Variants in PRKAG2 observed in about 807,000 individuals in gnomAD.
The protein encoded by PRKAG2 is protein kinase AMP-activated non-catalytic subunit gamma 2.
In PRKAG2, 26 loss-of-function variants were observed where a neutral mutation model predicts 69.6. The observed-to-expected ratio is 0.37, with a 90% CI of 0.27 to 0.52. The LOEUF (loss-of-function observed/expected upper bound fraction) is 0.52, where lower values mean the gene tolerates loss of function less well. PRKAG2 is among the 20% of genes least tolerant of loss of function. The pLI, the probability that PRKAG2 is intolerant of heterozygous loss-of-function variation, is 0.90. For missense variants in PRKAG2, 557 were observed against 740.0 expected, an observed-to-expected ratio of 0.75 and a Z score of 2.87; for synonymous variants, 293 against 285.0, an observed-to-expected ratio of 1.03 and a Z score of -0.28.
At chr7:151,854,926 C>T (rs902361035) in intron 1 of PRKAG2, among the ~76,000 whole-genome samples, 1 of 151,636 alleles carries the variant, frequency 6.6e-6, no homozygotes, top group South Asian at 2.1e-4. Flanking sequence ...ACACACACCA[C>T]TTTACACACA....
intron 3 of PRKAG2, among the ~76,000 whole-genome samples, chr7:151,710,491 G>C (rs1214309583): frequency 6.6e-6 from 1 of 152,166 alleles, no homozygotes; most frequent in Non-Finnish European, 1.5e-5. Context: ...GCTCTGCGGT[G>C]ACCCCATCAC....
At chr7:151,619,184 AATAC>A (rs1293178424) in intron 5 of PRKAG2, among the ~76,000 whole-genome samples, 6 of 152,176 alleles carry the variant, frequency 3.9e-5, no homozygotes, top group African/African-American at 1.4e-4. Flanking sequence ...AGGAACTATT[AATAC>A]ATAATTAAAG....
chr7:151,823,020 T>C (rs1225855877), intron 1 of PRKAG2, among the ~76,000 whole-genome samples: 2 of 151,696 alleles, frequency 1.3e-5, no homozygotes, highest in African/African-American at 4.9e-5. Flanking sequence ...GACCTGGTTT[T>C]CAGACCCCAC....
intron 1 of PRKAG2, among the ~76,000 whole-genome samples, chr7:151,874,117 ATATG>A (rs1177393453): frequency 6.9e-6 from 1 of 144,958 alleles, no homozygotes; most frequent in Non-Finnish European, 1.5e-5. Context: ...ATGTATATGT[ATATG>A]TATATGATGT....
intron 15 of PRKAG2, chr7:151,557,558 T>A (rs1009153303): frequency 8.5e-5 from 84 of 985,168 alleles, no homozygotes; most frequent in Non-Finnish European, 9.8e-5. Flanking sequence ...AGTTGTGCAC[T>A]CTTACAAATA....
At chr7:151,806,601 C>T (rs1303334910) in intron 1 of PRKAG2, 1 of 174,088 alleles carries the variant, frequency 5.7e-6, no homozygotes, top group Non-Finnish European at 1.2e-5. Context: ...TTAACAAATG[C>T]TTGGGTGGAC....
chr7:151,692,331 T>G lies in PRKAG2; in HGVS notation c.467-16694A>C, dbSNP rs534936755. On this transcript the variant is annotated intron_variant, in intron 3 of 15. Transcript: ENST00000287878. ...TTAATCTCAAATGCATTTTTCTAAG[T>G]GAAGGAAGCCAGGTCCAAATATATA... Among the ~76,000 whole-genome samples the G allele has an allele frequency of 7.9e-5, 12 of 152,308 alleles. No homozygotes were observed. In the South Asian group the frequency reaches 2.5e-3, roughly 32 times the overall value.
chr7:151,799,286 C>G (rs2077705238), intron 1 of PRKAG2, among the ~76,000 whole-genome samples: 1 of 152,244 alleles, frequency 6.6e-6, no homozygotes, highest in Non-Finnish European at 1.5e-5. Flanking sequence ...CTTGCAACTT[C>G]TAACCAAGGT....
intron 1 of PRKAG2, among the ~76,000 whole-genome samples, chr7:151,811,639 G>C (rs980930881): frequency 6.6e-6 from 1 of 152,260 alleles, no homozygotes; most frequent in Admixed American, 6.5e-5. Flanking sequence ...AAGCTGACAG[G>C]TGTGCAGGGC....
At chr7:151,598,016 G>C (rs948050711) in intron 5 of PRKAG2, among the ~76,000 whole-genome samples, 1 of 152,156 alleles carries the variant, frequency 6.6e-6, no homozygotes. Flanking sequence ...CTGCCATGTT[G>C]AGTGCAGCAC....
rs1156914809 is a variant in PRKAG2 at position 151,719,685 on chromosome 7, A to G, written c.467-44048T>C. 6.6e-6 allele frequency among the ~76,000 whole-genome samples: 1 copy of G among 151,850 alleles called. No individual in the cohort carries two copies. Among genetic ancestry groups the G allele is most frequent in the Non-Finnish European group, 1.5e-5 (1 of 67,964 alleles). ...CTGCATTCCTGCCTGGGTCCCGCCC[A>G]CAGCACCACTGTCTTGCGATGGGCA... On this transcript the variant is annotated intron_variant, in intron 3 of 15. Coordinates refer to ENST00000287878, the MANE Select transcript of PRKAG2 (RefSeq NM_016203.4). The surrounding 1 kb of genome is among the most constrained non-coding windows in gnomAD (Gnocchi z 5.2).
chr7:151,565,759 C>T lies in PRKAG2; in HGVS notation c.1360G>A (p.Glu454Lys). 1 of 1,613,854 alleles carries T rather than the reference C, an allele frequency of 6.2e-7. No homozygotes were observed. Among genetic ancestry groups the T allele is most frequent in the Non-Finnish European group, 8.5e-7 (1 of 1,179,728 alleles). ...ACAGGCAGAGCTGATATTCGTCTTTCCACAAATATGTTCAAGGCTTTGATG... is the reference window on the plus strand; with the variant it reads ...ACAGGCAGAGCTGATATTCGTCTTTTCACAAATATGTTCAAGGCTTTGATG... Reference protein sequence around the residue: ...PIIKALNIFVERRISALPVVD... With the variant: ...PIIKALNIFVKRRISALPVVD... The change falls in exon 12 of 16, where the codon GAA becomes AAA. Residue 454 changes from glutamate (E) to lysine (K), a missense_variant. Glu to Lys is a moderately conservative substitution (Grantham distance 56, BLOSUM62 1). Around this residue, in one of 2 missense-constraint regions of PRKAG2, gnomAD observed 205 missense variants for 383.4 expected, o/e 0.53. Coordinates refer to ENST00000287878, the MANE Select transcript of PRKAG2 (RefSeq NM_016203.4).
At chr7:151,800,930 G>A (rs2077806049) in intron 1 of PRKAG2, among the ~76,000 whole-genome samples, 1 of 152,204 alleles carries the variant, frequency 6.6e-6, no homozygotes, top group African/African-American at 2.4e-5. Context: ...TTGGCATGGG[G>A]GCTGCAGGGT....
chr7:151,675,070 G>A (rs534441471), intron 4 of PRKAG2: 11 of 357,388 alleles, frequency 3.1e-5, no homozygotes, highest in East Asian at 7.3e-5. Flanking sequence ...ACAGGTGCAC[G>A]CCACCACACC....
chr7:151,691,427 G>A (rs1835638922), intron 3 of PRKAG2, among the ~76,000 whole-genome samples: 1 of 149,682 alleles, frequency 6.7e-6, no homozygotes, highest in Non-Finnish European at 1.5e-5. Context: ...AGGACTTGTA[G>A]CAGAGTATAT....
At position 151,842,422 on chromosome 7, in the gene PRKAG2, AGGTGGGGAT is replaced by A. The variant is rs1279858916; in HGVS notation, c.114+34076_114+34084del. On this transcript the variant is annotated intron_variant, in intron 1 of 15. Coordinates refer to ENST00000287878, the MANE Select transcript of PRKAG2 (RefSeq NM_016203.4). ...GGTAGGTGGGGATGGTAGTGATGGT[AGGTGGGGAT>A]GGTAGTGATGGTAGGTGGGGATGGT... Among the ~76,000 whole-genome samples the A allele has an allele frequency of 3.3e-4, 36 of 110,186 alleles. 1 individual carries two copies. The highest frequency in any genetic ancestry group is 1.3e-3 in the African/African-American group (35 of 27,558). 72.3% of individuals were successfully genotyped at this position (110,186 alleles called of 152,430 possible). A position where few individuals can be genotyped will look rare whatever the true frequency, so the allele number is the denominator to read the frequency against.
chr7:151,752,416 G>A (rs1332724378), intron 3 of PRKAG2, among the ~76,000 whole-genome samples: 3 of 152,148 alleles, frequency 2.0e-5, no homozygotes, highest in African/African-American at 7.2e-5. Flanking sequence ...GCAGAGGGTG[G>A]GAGGAGGGAG....
intron 1 of PRKAG2, among the ~76,000 whole-genome samples, chr7:151,841,417 G>A (rs1338325240): frequency 2.0e-5 from 3 of 149,674 alleles, no homozygotes; most frequent in African/African-American, 2.4e-5. Flanking sequence ...TGGTAGTGAT[G>A]GTAGGTAGGG....
rs979709362 is a variant in PRKAG2, at chr7:151,649,003, G to A, written c.685-16865C>T. Reference sequence around the variant, plus strand: ...GACCGAAAGACGTAGTCATTCATATGGGATATGAGTTAAAGGAATGTTCTT... The same window carrying A: ...GACCGAAAGACGTAGTCATTCATATAGGATATGAGTTAAAGGAATGTTCTT... On this transcript the variant is annotated intron_variant, in intron 4 of 15. Coordinates refer to ENST00000287878, the MANE Select transcript of PRKAG2 (RefSeq NM_016203.4). Among the ~76,000 whole-genome samples, 11 of 152,198 alleles carry A rather than the reference G, an allele frequency of 7.2e-5. No homozygotes were observed. In the East Asian group the frequency reaches 1.9e-3, roughly 27 times the overall value.
Sources: allele counts gnomAD v4.1 joint callset (sites outside exome capture counted in the v4.1 genomes callset), GRCh38; gene constraint gnomAD v4.1.1; regional missense constraint gnomAD v4.1.1; non-coding constraint Gnocchi (gnomAD v3.1); transcripts MANE v1.5; gene names NCBI Gene and HGNC (gene_info 2026-07-23, HGNC 2026-07-21).